MDGA2: variants seen among roughly 807,000 people sequenced by gnomAD.
MDGA2 encodes MAM domain-containing glycosylphosphatidylinositol anchor protein 2.
MDGA2 carries 40 observed loss-of-function variants against 117.8 expected under a neutral mutation model. The ratio of observed to expected loss-of-function variants is 0.34; its 90% CI spans 0.26 to 0.44. The LOEUF (loss-of-function observed/expected upper bound fraction) is 0.44, where lower values mean the gene tolerates loss of function less well. MDGA2 is among the 20% of genes least tolerant of loss of function. The probability of loss-of-function intolerance (pLI) is 1.00; values close to 1 mark genes in which losing one functional copy is unlikely to be tolerated. For synonymous variants in MDGA2, 452 were observed against 439.0 expected (o/e 1.03, Z -0.37); for missense variants, 1,123 against 1,250.6 (o/e 0.90, Z 1.54).
At chr14:46,948,865 T>C (rs560426514) in intron 9 of MDGA2, among the ~76,000 whole-genome samples, 2 of 152,122 alleles carry the variant, frequency 1.3e-5, no homozygotes, top group East Asian at 3.9e-4. Context: ...CACACTTCTT[T>C]TCCAACCAAA....
rs893693296 is a variant in MDGA2, at chr14:46,862,332, A to G, written c.2753-7178T>C. Among the ~76,000 whole-genome samples the G allele has an allele frequency of 4.6e-5, 7 of 151,342 alleles. No homozygotes were observed. The South Asian group carries it at 6.2e-4, about 13-fold the overall frequency. The stretch of plus-strand genomic sequence containing the variant: ...GGCTAAATGACACAAGTGCTGTCTT[A>G]TCTCACGAATAATGGCCAAAACTTT... On this transcript the variant is annotated intron_variant, in intron 14 of 16. Coordinates refer to ENST00000399232, the MANE Select transcript of MDGA2 (RefSeq NM_001113498.3).
chr14:47,406,506 G>A (rs920132869), intron 1 of MDGA2, among the ~76,000 whole-genome samples: 1 of 152,006 alleles, frequency 6.6e-6, no homozygotes, highest in Non-Finnish European at 1.5e-5. Context: ...TACCAGGGAA[G>A]GGTTGGGATA....
intron 1 of MDGA2, among the ~76,000 whole-genome samples, chr14:47,344,841 G>A (rs1890729058): frequency 1.3e-5 from 2 of 151,074 alleles, no homozygotes; most frequent in African/African-American, 4.9e-5. Context: ...CTTAATATGT[G>A]ACTACAGACA....
At position 47,229,459 on chromosome 14, in the gene MDGA2, TAGC is replaced by T. The variant is rs1235274163; in HGVS notation, c.421-11267_421-11265del. 7.2e-5 allele frequency among the ~76,000 whole-genome samples: 11 copies of T among 152,200 alleles called. 1 individual carries two copies. The South Asian group carries it at 1.9e-3, about 26-fold the overall frequency. On this transcript the variant is annotated intron_variant, in intron 2 of 16. Coordinates refer to ENST00000399232, the MANE Select transcript of MDGA2 (RefSeq NM_001113498.3). ...TAGTTATTATTTCTAAATTCAGAAT[TAGC>T]AGGCAAACAATTTTTAATAAAAAAT... is the stretch of plus-strand genomic sequence containing the variant.
chr14:47,371,035 A>G (rs1158569178), intron 1 of MDGA2, among the ~76,000 whole-genome samples: 1 of 151,930 alleles, frequency 6.6e-6, no homozygotes, highest in African/African-American at 2.4e-5. Context: ...CTTTAAAAAC[A>G]TACTAATAAA....
chr14:47,048,427 G>A (rs1003444136), intron 7 of MDGA2, among the ~76,000 whole-genome samples: 6 of 151,998 alleles, frequency 3.9e-5, no homozygotes, highest in African/African-American at 1.2e-4. Flanking sequence ...AATCCTCAAC[G>A]CAGAATGGCC....
intron 1 of MDGA2, among the ~76,000 whole-genome samples, chr14:47,314,665 G>T (rs1466350961): frequency 6.6e-6 from 1 of 151,526 alleles, no homozygotes; most frequent in Non-Finnish European, 1.5e-5. Context: ...GTGACAGCAA[G>T]ATTCTGTCTC....
intron 8 of MDGA2, among the ~76,000 whole-genome samples, chr14:46,962,734 A>G (rs1057281042): frequency 1.3e-5 from 2 of 152,198 alleles, no homozygotes; most frequent in Non-Finnish European, 2.9e-5. Context: ...ATGGATCTTA[A>G]ACTCAGAAGA....
At chr14:46,893,783 A>G (rs1882973768) in intron 10 of MDGA2, among the ~76,000 whole-genome samples, 1 of 152,054 alleles carries the variant, frequency 6.6e-6, no homozygotes, top group Admixed American at 6.6e-5. Context: ...CTATTTTAAA[A>G]GTTATCTTCT....
At chr14:47,253,960 G>C (rs1887532030) in intron 2 of MDGA2, among the ~76,000 whole-genome samples, 2 of 152,250 alleles carry the variant, frequency 1.3e-5, no homozygotes, top group South Asian at 4.1e-4. Flanking sequence ...GCCAAGGCTT[G>C]GGGCTTGCAC....
At chr14:46,901,713 G>A (rs1316927700) in intron 10 of MDGA2, among the ~76,000 whole-genome samples, 1 of 152,172 alleles carries the variant, frequency 6.6e-6, no homozygotes, top group Non-Finnish European at 1.5e-5. Flanking sequence ...AACCACTCTG[G>A]AAAGCTTTGT....
chr14:47,594,907 A>G (rs183891128), intron 1 of MDGA2, among the ~76,000 whole-genome samples: 2 of 127,398 alleles, frequency 1.6e-5, no homozygotes, highest in East Asian at 2.3e-4. Context: ...CAAATTATCT[A>G]TCAACTCCCT....
chr14:47,257,616 G>A (rs914108727), intron 2 of MDGA2, among the ~76,000 whole-genome samples: 6 of 151,986 alleles, frequency 3.9e-5, no homozygotes, highest in African/African-American at 9.7e-5. Context: ...TTACTTTAAC[G>A]CAATTTTTGT....
At chr14:47,320,875 G>A (rs1566737425) in intron 1 of MDGA2, among the ~76,000 whole-genome samples, 1 of 152,002 alleles carries the variant, frequency 6.6e-6, no homozygotes, top group Non-Finnish European at 1.5e-5. Context: ...TAAAGTTAGG[G>A]GAAATCTATC....
intron 1 of MDGA2, among the ~76,000 whole-genome samples, chr14:47,339,658 C>G (rs1368373519): frequency 6.6e-6 from 1 of 152,140 alleles, no homozygotes; most frequent in Non-Finnish European, 1.5e-5. Context: ...TCCTCTTTCA[C>G]CATGAGTGGA....
intron 10 of MDGA2, among the ~76,000 whole-genome samples, chr14:46,891,659 TAAG>T (rs1882888609): frequency 1.3e-5 from 2 of 151,712 alleles, no homozygotes; most frequent in South Asian, 2.1e-4. Context: ...GAATAGGACT[TAAG>T]AAGGTGAAAT....
Position 47,577,607 on chromosome 14 carries a change from C to T in MDGA2, c.280+96910G>A, listed in dbSNP as rs534877507. 7.2e-5 allele frequency among the ~76,000 whole-genome samples: 11 copies of T among 152,134 alleles called. No individual in the cohort carries two copies. The South Asian group carries it at 2.1e-3, about 29-fold the overall frequency. ...ACAAATTTACAAGAAAAAACAACCC[C>T]ATCAAAAAGTGGGCAAAGGATATGA... is the stretch of plus-strand genomic sequence containing the variant. On this transcript the variant is annotated intron_variant, in intron 1 of 16. Transcript: ENST00000399232.
chr14:47,012,299 CA>C (rs1887921965), intron 8 of MDGA2, among the ~76,000 whole-genome samples: 1 of 152,110 alleles, frequency 6.6e-6, no homozygotes, highest in South Asian at 2.1e-4. Flanking sequence ...AATGGTAAAT[CA>C]GTTCAAACAT....
chr14:47,666,777 C>G (rs892602815), intron 1 of MDGA2, among the ~76,000 whole-genome samples: 2 of 152,148 alleles, frequency 1.3e-5, no homozygotes, highest in Admixed American at 6.5e-5. Context: ...GTTGCTCACT[C>G]TTTGGGTACA....
Sources: allele counts gnomAD v4.1 joint callset (sites outside exome capture counted in the v4.1 genomes callset), GRCh38; gene constraint gnomAD v4.1.1; transcripts MANE v1.5; gene names NCBI Gene and HGNC (gene_info 2026-07-23, HGNC 2026-07-21).